Variants in SLC30A10 observed in about 807,000 individuals in gnomAD.
The protein encoded by SLC30A10 is calcium/manganese antiporter SLC30A10.
SLC30A10 carries 8 observed loss-of-function variants against 21.7 expected under a neutral mutation model. The observed-to-expected ratio is 0.37, with a 90% CI of 0.22 to 0.67. SLC30A10 has a LOEUF of 0.67. Among genes scored for constraint, SLC30A10 ranks in the 30% least tolerant of loss-of-function variants. The pLI is 0.58. For synonymous variants in SLC30A10, 272 were observed against 279.4 expected, an observed-to-expected ratio of 0.97 and a Z score of 0.26; for missense variants, 521 against 642.5, an observed-to-expected ratio of 0.81 and a Z score of 2.04.
rs1183213848 is a variant in SLC30A10 at position 219,916,012 on chromosome 1, G to A, written c.959-64C>T. ...CTGCATTTGAAACATGGAACTACAGGAGGGATATGGTTCCGTTAAGCATTC... is the reference window on the plus strand; with the variant it reads ...CTGCATTTGAAACATGGAACTACAGAAGGGATATGGTTCCGTTAAGCATTC... On this transcript the variant is annotated intron_variant, in intron 3 of 3. Transcript: ENST00000366926. The A allele has an allele frequency of 8.4e-6, 13 of 1,548,484 alleles. No individual in the cohort carries two copies. In the Admixed American group the frequency reaches 2.2e-4, roughly 26 times the overall value.
chr1:219,919,620 A>G (rs979719210), intron 2 of SLC30A10, among the ~76,000 whole-genome samples: 9 of 152,114 alleles, frequency 5.9e-5, no homozygotes, highest in Non-Finnish European at 1.0e-4. Flanking sequence ...TACTAAAAAT[A>G]CAAAAAATTA....
chr1:219,950,713 G>A (rs943229973), intron 1 of SLC30A10, among the ~76,000 whole-genome samples: 2 of 152,004 alleles, frequency 1.3e-5, no homozygotes, highest in Non-Finnish European at 2.9e-5. Context: ...ACTTTGGGAG[G>A]CCGAGACAGG....
intron 1 of SLC30A10, among the ~76,000 whole-genome samples, chr1:219,949,523 C>G (rs533976140): frequency 1.3e-5 from 2 of 152,054 alleles, no homozygotes; most frequent in South Asian, 2.1e-4. Context: ...AACCAAACAC[C>G]GCATATTCTC....
chr1:219,929,878 CTG>C (rs1659940776), upstream of SLC30A10, among the ~76,000 whole-genome samples: 1 of 152,174 alleles, frequency 6.6e-6, no homozygotes, highest in African/African-American at 2.4e-5. Context: ...CAGAAGGTAA[CTG>C]TCTCCAGGAC....
chr1:219,936,291 A>G (rs1206013091), intron 1 of SLC30A10, among the ~76,000 whole-genome samples: 1 of 152,224 alleles, frequency 6.6e-6, no homozygotes. Context: ...GTACAAATAT[A>G]TAGAAAAATA....
At chr1:219,924,206 A>T (rs11118458) in intron 2 of SLC30A10, among the ~76,000 whole-genome samples, 19 of 152,252 alleles carry the variant, frequency 1.2e-4, no homozygotes, top group African/African-American at 3.6e-4. Flanking sequence ...AGTGGGACAC[A>T]GTCCTGCTTT....
chr1:219,929,613 C>T (rs1031699333), upstream of SLC30A10, among the ~76,000 whole-genome samples: 4 of 152,032 alleles, frequency 2.6e-5, no homozygotes, highest in South Asian at 2.1e-4. Context: ...CTCCGCCTCT[C>T]GGATTCAAGC....
intron 2 of SLC30A10, among the ~76,000 whole-genome samples, chr1:219,922,177 T>TGTGTGTGTGTGTGTG (rs1194378922): frequency 9.5e-4 from 28 of 29,374 alleles, no homozygotes; most frequent in African/African-American, 3.4e-3. Context: ...TGTGTGTGTG[T>TGTGTGTGTGTGTGTG]TTTTTTTTTT....
chr1:219,949,000 A>G (rs1290192702), intron 1 of SLC30A10, among the ~76,000 whole-genome samples: 2 of 151,866 alleles, frequency 1.3e-5, no homozygotes, highest in African/African-American at 2.4e-5. Context: ...CAAAAAACAC[A>G]TGAAAAAATG....
intron 1 of SLC30A10, among the ~76,000 whole-genome samples, chr1:219,953,404 G>A (rs1451026458): frequency 6.6e-6 from 1 of 151,776 alleles, no homozygotes. Flanking sequence ...AGACCATCCT[G>A]GCTAACACGG....
In SLC30A10 at chr1:219,918,579, A is replaced by G; in HGVS notation, c.719-85T>C. 2 of 1,488,922 alleles carry G rather than the reference A, an allele frequency of 1.3e-6. No individual in the cohort carries two copies. The highest frequency in any genetic ancestry group is 2.3e-5 in the East Asian group (1 of 43,670). The allele number at this position is 1,488,922 out of a possible 1,614,324, so 92.2% of individuals were successfully genotyped here. On this transcript the variant is annotated intron_variant, in intron 2 of 3. Transcript: ENST00000366926. The surrounding 1 kb of genome is among the most constrained non-coding windows in gnomAD (Gnocchi z 4.4). ...CTGACTTGGGTGTCCGGGTATATGA[A>G]TATCTGTTACCATTTGGAGTTTTTT...
chr1:219,935,591 C>T (rs1660035136), intron 1 of SLC30A10, among the ~76,000 whole-genome samples: 1 of 152,206 alleles, frequency 6.6e-6, no homozygotes, highest in Non-Finnish European at 1.5e-5. Context: ...CATTTCTAAG[C>T]TAGATATAGA....
At chr1:219,935,652 G>A (rs942940808) in intron 1 of SLC30A10, among the ~76,000 whole-genome samples, 4 of 152,204 alleles carry the variant, frequency 2.6e-5, no homozygotes, top group African/African-American at 9.6e-5. Context: ...AAAAGCTTAT[G>A]TAAAGGGTCT....
chr1:219,937,140 T>C lies in SLC30A10; in HGVS notation n.81-10035A>G, dbSNP rs1433710101. Among the ~76,000 whole-genome samples the C allele has an allele frequency of 2.0e-5, 3 of 152,198 alleles. No homozygotes were observed. In the East Asian group the frequency reaches 5.8e-4, roughly 29 times the overall value. ...TGGGTATGAAATTCATAAGTTCGTGTTTTATTTTATTTCTGAGAACTGTAT... is the reference window on the plus strand; with the variant it reads ...TGGGTATGAAATTCATAAGTTCGTGCTTTATTTTATTTCTGAGAACTGTAT... On this transcript the variant is annotated intron_variant and non_coding_transcript_variant, in intron 1 of 8. Coordinates refer to the SLC30A10 transcript ENST00000484239.
intron 1 of SLC30A10, among the ~76,000 whole-genome samples, chr1:219,943,579 G>A (rs1487685942): frequency 1.3e-5 from 2 of 152,136 alleles, no homozygotes; most frequent in South Asian, 2.1e-4. Context: ...GCAAAGCCAG[G>A]AAAATTTTAA....
At chr1:219,944,492 C>T (rs2102544116) in intron 1 of SLC30A10, among the ~76,000 whole-genome samples, 1 of 151,958 alleles carries the variant, frequency 6.6e-6, no homozygotes, top group South Asian at 2.1e-4. Flanking sequence ...AATGGATGGG[C>T]CCAGTAGCAG....
intron 1 of SLC30A10, among the ~76,000 whole-genome samples, chr1:219,934,104 C>A (rs529806229): frequency 6.6e-6 from 1 of 152,152 alleles, no homozygotes; most frequent in African/African-American, 2.4e-5. Flanking sequence ...CTGGCTAACA[C>A]GGTGAAACCT....
upstream of SLC30A10, among the ~76,000 whole-genome samples, chr1:219,933,481 C>T (rs374001107): frequency 3.9e-5 from 6 of 152,346 alleles, no homozygotes; most frequent in South Asian, 8.3e-4. Context: ...CTGTGCTTCT[C>T]ACTTGCAACT....
intron 1 of SLC30A10, among the ~76,000 whole-genome samples, chr1:219,942,078 T>C (rs1000137271): frequency 6.6e-6 from 1 of 152,226 alleles, no homozygotes; most frequent in African/African-American, 2.4e-5. Context: ...TTATAGTAAG[T>C]GCTAAATTCT....
Sources: gnomAD v4.1 joint callset for allele counts (sites outside exome capture counted in the v4.1 genomes callset) on GRCh38, gnomAD v4.1.1 for gene constraint, Gnocchi (gnomAD v3.1) non-coding constraint, MANE v1.5 for transcripts, NCBI Gene and HGNC (gene_info 2026-07-23, HGNC 2026-07-21) for gene names.